Variants in LYG2 observed in about 807,000 individuals in gnomAD.
The protein encoded by LYG2 is lysozyme g-like protein 2.
LYG2 carries 25 observed loss-of-function variants against 22.4 expected under a neutral mutation model. That is an observed-to-expected ratio of 1.12 (90% CI 0.81 to 1.56). LYG2 has a LOEUF of 1.56. LYG2 is among the 40% of genes most tolerant of loss of function. LYG2 has a pLI of 0.00. For synonymous variants in LYG2, 88 were observed against 97.0 expected, an observed-to-expected ratio of 0.91 and a Z score of 0.55; for missense variants, 266 against 269.5, an observed-to-expected ratio of 0.99 and a Z score of 0.09.
chr2:99,243,586 A>C, intron 6 of LYG2: 1 of 1,204,078 alleles, frequency 8.3e-7, no homozygotes, highest in Non-Finnish European at 1.2e-6. Context: ...CCCAGGCTGG[A>C]GTGCAGTGAT....
chr2:99,251,662 C>T (rs2094026862), intron 3 of LYG2, among the ~76,000 whole-genome samples: 1 of 152,036 alleles, frequency 6.6e-6, no homozygotes, highest in Admixed American at 6.6e-5. Flanking sequence ...AGCTCCATAG[C>T]AATGGAGCAC....
At chr2:99,247,579 G>A (rs2094018435) in intron 3 of LYG2, among the ~76,000 whole-genome samples, 1 of 151,854 alleles carries the variant, frequency 6.6e-6, no homozygotes, top group African/African-American at 2.4e-5. Flanking sequence ...TTCAACCCTT[G>A]CCTCCCTACC....
intron 6 of LYG2, 187 bp downstream of exon 6, chr2:99,243,812 A>G: frequency 1.6e-6 from 1 of 621,172 alleles, no homozygotes; most frequent in Non-Finnish European, 2.8e-6. Flanking sequence ...GAGGAAATGG[A>G]GGTTGAGGAT....
At chr2:99,250,216 T>G (rs1335734448) in intron 3 of LYG2, among the ~76,000 whole-genome samples, 1 of 152,138 alleles carries the variant, frequency 6.6e-6, no homozygotes, top group East Asian at 1.9e-4. Context: ...GATCATGCCT[T>G]CAGGTCTCTG....
intron 6 of LYG2, among the ~76,000 whole-genome samples, chr2:99,243,168 T>A (rs1054952187): frequency 6.6e-6 from 1 of 152,082 alleles, no homozygotes; most frequent in Non-Finnish European, 1.5e-5. Context: ...GGAATTGATG[T>A]GGTTGGGTGT....
chr2:99,251,014 A>G (rs983344702), intron 3 of LYG2, among the ~76,000 whole-genome samples: 2 of 152,264 alleles, frequency 1.3e-5, no homozygotes, highest in South Asian at 2.1e-4. Context: ...AGAAAATACA[A>G]TCGTATATTT....
chr2:99,258,680 C>T (rs770229989), upstream of LYG2, among the ~76,000 whole-genome samples: 17 of 152,160 alleles, frequency 1.1e-4, no homozygotes, highest in Non-Finnish European at 2.1e-4. Context: ...GGTACTTTGG[C>T]GCCAATGGCT....
intron 6 of LYG2, among the ~76,000 whole-genome samples, chr2:99,242,988 G>A (rs1274262514): frequency 2.0e-5 from 3 of 152,176 alleles, no homozygotes; most frequent in Non-Finnish European, 4.4e-5. Context: ...ATCTCTAGTA[G>A]TTATGTATGT....
chr2:99,246,414 A>C (rs939455537), intron 4 of LYG2, among the ~76,000 whole-genome samples: 1 of 152,212 alleles, frequency 6.6e-6, no homozygotes, highest in African/African-American at 2.4e-5. Context: ...CACCCAAAAA[A>C]CAAAGCCAGA....
chr2:99,243,685 A>T (rs1292660998), intron 6 of LYG2: 5 of 485,948 alleles, frequency 1.0e-5, no homozygotes, highest in Non-Finnish European at 1.7e-5. Context: ...GTGTGTCACC[A>T]TGCCCAGCTT....
chr2:99,255,167 A>G (rs1006888816), intron 1 of LYG2, 30 bp from the exon 2 acceptor site: 4 of 152,256 alleles, frequency 2.6e-5, no homozygotes, highest in African/African-American at 9.6e-5. Flanking sequence ...ATTAGTCAGT[A>G]GATCACTGCG....
In LYG2 at chr2:99,246,748, C is replaced by T; in HGVS notation, c.116G>A (p.Cys39Tyr). ...PHLHPRLYHGCYGDIMTMKTS... is the reference protein window; with the variant it reads ...PHLHPRLYHGYYGDIMTMKTS... ...CTTCATGGTCATGATGTCCCCATAG[C>T]AGCCGTGGTACAGGCGTGGATGTAG... Residue 39 changes from cysteine (C) to tyrosine (Y), a missense_variant, in exon 4 of 7, where the codon TGC (cysteine) becomes TAC (tyrosine). Coordinates refer to ENST00000333017, the MANE Select transcript of LYG2 (RefSeq NM_175735.4). The T allele has an allele frequency of 6.2e-7, 1 of 1,614,160 alleles. No individual in the cohort carries two copies. The highest frequency in any genetic ancestry group is 8.5e-7 in the Non-Finnish European group (1 of 1,180,012).
At position 99,242,365 on chromosome 2, in the gene LYG2, TAGA is replaced by T. The variant is rs1436685239; in HGVS notation, c.635_637del (p.Phe212del). On this transcript the variant is annotated inframe_deletion, in exon 7 of 7. Coordinates refer to ENST00000333017, the MANE Select transcript of LYG2 (RefSeq NM_175735.4). ...CCTGGCCCACCCACAGAGCTTTGCC[TAGA>T]AGCTTTGTCTTTTATAGAACTTAGC... The T allele has an allele frequency of 1.9e-6, 3 of 1,605,188 alleles. No individual in the cohort carries two copies. In the East Asian group the frequency reaches 6.7e-5, roughly 36 times the overall value.
At chr2:99,260,732 C>A in the LYG2 span, among the ~76,000 whole-genome samples, 39 of 152,252 alleles carry the variant, frequency 2.6e-4, no homozygotes, top group African/African-American at 8.7e-4. Flanking sequence ...GTTGAAGACG[C>A]TAGTTCAAAA....
At chr2:99,243,143 G>T (rs1359126820) in intron 6 of LYG2, among the ~76,000 whole-genome samples, 1 of 152,126 alleles carries the variant, frequency 6.6e-6, no homozygotes, top group Non-Finnish European at 1.5e-5. Context: ...TGGCCAATAG[G>T]AGGCAAACCT....
At chr2:99,248,287 G>T (rs1306295018) in intron 3 of LYG2, among the ~76,000 whole-genome samples, 8 of 152,136 alleles carry the variant, frequency 5.3e-5, no homozygotes, top group African/African-American at 1.9e-4. Flanking sequence ...GCACACGTAT[G>T]TTTATTGCGG....
intron 3 of LYG2, among the ~76,000 whole-genome samples, chr2:99,249,716 G>A (rs938218378): frequency 2.8e-5 from 4 of 143,668 alleles, no homozygotes; most frequent in Non-Finnish European, 4.5e-5. Context: ...AGCCGAGATC[G>A]CGCCATTGCA....
intron 3 of LYG2, among the ~76,000 whole-genome samples, chr2:99,249,706 A>T (rs1210056135): frequency 1.4e-5 from 2 of 143,182 alleles, no homozygotes; most frequent in Non-Finnish European, 3.0e-5. Flanking sequence ...GGATGCAGTG[A>T]GCCGAGATCG....
chr2:99,256,489 C>T (rs376693078), upstream of LYG2, among the ~76,000 whole-genome samples: 106 of 152,256 alleles, frequency 7.0e-4, no homozygotes, highest in African/African-American at 2.4e-3. Flanking sequence ...ACATTGTGCC[C>T]GTGACCCACT....
Sources: allele counts gnomAD v4.1 joint callset (sites outside exome capture counted in the v4.1 genomes callset), GRCh38; gene constraint gnomAD v4.1.1; transcripts MANE v1.5; gene names NCBI Gene and HGNC (gene_info 2026-07-23, HGNC 2026-07-21).